ERBB4: variants seen among roughly 807,000 people sequenced by gnomAD.
ERBB4 encodes the protein erb-b2 receptor tyrosine kinase 4, also known as receptor tyrosine-protein kinase erbB-4.
Under a neutral mutation model 158.0 loss-of-function variants are expected in ERBB4, and 42 were observed. The observed-to-expected ratio is 0.27, with a 90% CI of 0.21 to 0.34. The LOEUF (loss-of-function observed/expected upper bound fraction) is 0.34, where lower values mean the gene tolerates loss of function less well. Ranked by LOEUF, ERBB4 falls within the 10% of genes least tolerant of loss-of-function variation. ERBB4 has a pLI of 1.00. For synonymous variants in ERBB4, 583 were observed against 558.7 expected (o/e 1.04, Z -0.61); for missense variants, 1,333 against 1,624.1 (o/e 0.82, Z 3.08).
At chr2:212,299,511 G>C (rs2086542331) in intron 1 of ERBB4, among the ~76,000 whole-genome samples, 1 of 151,608 alleles carries the variant, frequency 6.6e-6, no homozygotes, top group Non-Finnish European at 1.5e-5. Context: ...GAATATTTGA[G>C]TGTCGACCAT....
intron 15 of ERBB4, among the ~76,000 whole-genome samples, chr2:211,664,533 G>C (rs1050639848): frequency 6.6e-6 from 1 of 152,122 alleles, no homozygotes; most frequent in African/African-American, 2.4e-5. Context: ...AAATAGACTT[G>C]TTGTCTCTTA....
At chr2:211,593,323 G>A (rs577774915) in intron 19 of ERBB4, among the ~76,000 whole-genome samples, 23 of 152,260 alleles carry the variant, frequency 1.5e-4, no homozygotes, top group South Asian at 1.0e-3. Context: ...TGTAAGGCAA[G>A]GTAATTATTA....
At chr2:211,483,308 A>G (rs577723695) in intron 20 of ERBB4, among the ~76,000 whole-genome samples, 42 of 152,264 alleles carry the variant, frequency 2.8e-4, no homozygotes, top group African/African-American at 9.9e-4. Flanking sequence ...ATGTTCAAAC[A>G]TTTTCCAAGT....
At chr2:211,742,701 T>C (rs2074836991) in intron 5 of ERBB4, among the ~76,000 whole-genome samples, 1 of 152,032 alleles carries the variant, frequency 6.6e-6, no homozygotes, top group Non-Finnish European at 1.5e-5. Flanking sequence ...AAATGCTAAA[T>C]AATTTCTAAA....
chr2:212,286,611 T>TTTTTTTTTTTTTTG (rs2085983941), intron 1 of ERBB4, among the ~76,000 whole-genome samples: 1 of 136,114 alleles, frequency 7.3e-6, no homozygotes, highest in African/African-American at 2.8e-5. Flanking sequence ...TTTTTTTTTT[T>TTTTTTTTTTTTTTG]TTTTTTTTTG....
intron 1 of ERBB4, among the ~76,000 whole-genome samples, chr2:212,415,134 C>T (rs555357827): frequency 7.2e-5 from 11 of 152,184 alleles, no homozygotes; most frequent in Middle Eastern, 6.8e-3. Flanking sequence ...TCTTGTCAAA[C>T]GTCACTTACG....
intron 20 of ERBB4, among the ~76,000 whole-genome samples, chr2:211,454,255 A>C (rs1174139654): frequency 1.3e-5 from 2 of 152,220 alleles, no homozygotes; most frequent in Non-Finnish European, 2.9e-5. Flanking sequence ...TCCATTAAGA[A>C]TATTTGTAAC....
rs1190180522 is a variant in ERBB4 at position 211,952,450 on chromosome 2, CA to C, written c.235-4835del. ...TGTTATAATGTCTGATAAGGCCACACAACCATGTCAGTTATCCATTGTTCCT... is the reference window on the plus strand; with the variant it reads ...TGTTATAATGTCTGATAAGGCCACACACCATGTCAGTTATCCATTGTTCCT... On this transcript the variant is annotated intron_variant, in intron 2 of 27. Transcript: ENST00000342788. Among the ~76,000 whole-genome samples the C allele has an allele frequency of 3.9e-5, 6 of 152,186 alleles. No individual in the cohort carries two copies. The East Asian group carries it at 9.6e-4, about 24-fold the overall frequency.
intron 2 of ERBB4, among the ~76,000 whole-genome samples, chr2:212,071,639 G>C (rs1251638745): frequency 6.6e-6 from 1 of 151,946 alleles, no homozygotes; most frequent in East Asian, 1.9e-4. Context: ...TTATTCACGA[G>C]AAAGAATACT....
At chr2:211,401,702 C>G (rs1410110725) in intron 25 of ERBB4, among the ~76,000 whole-genome samples, 1 of 151,890 alleles carries the variant, frequency 6.6e-6, no homozygotes, top group Non-Finnish European at 1.5e-5. Context: ...AATAAACATG[C>G]TTAAGAAAGA....
chr2:211,491,497 T>C lies in ERBB4; in HGVS notation c.2488-60397A>G, dbSNP rs904210773. ...GCTCATAAGTGGTTAATACATTTAA[T>C]AAATATTTAGGGTATCAATTTATTA... is the stretch of plus-strand genomic sequence containing the variant. On this transcript the variant is annotated intron_variant, in intron 20 of 27. Transcript: ENST00000342788. 1.2e-4 allele frequency among the ~76,000 whole-genome samples: 19 copies of C among 152,222 alleles called. 1 individual carries two copies. Among genetic ancestry groups the C allele is most frequent in the Admixed American group, 9.8e-4 (15 of 15,290 alleles).
chr2:212,525,321 C>G (rs1219536504), intron 1 of ERBB4, among the ~76,000 whole-genome samples: 1 of 151,864 alleles, frequency 6.6e-6, no homozygotes, highest in Non-Finnish European at 1.5e-5. Context: ...CATGTGCTAT[C>G]AGCACATGTA....
rs13032635 is a variant in ERBB4, at chr2:211,948,627, C to G, written c.235-1011G>C. Reference sequence around the variant, plus strand: ...TCTGAGTTTCATCTAAATATTTTTTCAATAAAATGATGATAAATAGTTGTC... The same window carrying G: ...TCTGAGTTTCATCTAAATATTTTTTGAATAAAATGATGATAAATAGTTGTC... On this transcript the variant is annotated intron_variant, in intron 2 of 27. Transcript: ENST00000342788. 5.7e-3 allele frequency among the ~76,000 whole-genome samples: 855 copies of G among 151,014 alleles called. 6 individuals carry two copies. Among genetic ancestry groups the G allele is most frequent in the Admixed American group, 0.021 (311 of 15,144 alleles).
chr2:211,597,876 TC>T (rs2068685135), intron 19 of ERBB4, among the ~76,000 whole-genome samples: 1 of 152,132 alleles, frequency 6.6e-6, no homozygotes, highest in Non-Finnish European at 1.5e-5. Context: ...AACTAAAATT[TC>T]CCCAAAAAGA....
intron 1 of ERBB4, among the ~76,000 whole-genome samples, chr2:212,357,779 T>C (rs1384096054): frequency 6.6e-6 from 1 of 151,884 alleles, no homozygotes; most frequent in Non-Finnish European, 1.5e-5. Context: ...CACGGTCACT[T>C]GGTTACTACA....
intron 1 of ERBB4, among the ~76,000 whole-genome samples, chr2:212,216,775 G>A (rs188905593): frequency 1.3e-5 from 2 of 151,256 alleles, no homozygotes; most frequent in South Asian, 4.1e-4. Flanking sequence ...ATGTTGCCCG[G>A]GGCTCACTCA....
At chr2:212,055,152 T>G (rs2077516529) in intron 2 of ERBB4, among the ~76,000 whole-genome samples, 1 of 152,104 alleles carries the variant, frequency 6.6e-6, no homozygotes, top group African/African-American at 2.4e-5. Context: ...CAGGTTATAC[T>G]CCGCACCTGG....
In ERBB4 at chr2:212,396,827, C is replaced by T. The variant is rs181706968; in HGVS notation, c.82+141622G>A. 6.7e-4 allele frequency among the ~76,000 whole-genome samples: 102 copies of T among 152,008 alleles called. 1 individual carries two copies. The East Asian group carries it at 0.018, about 27-fold the overall frequency. The stretch of plus-strand genomic sequence containing the variant: ...TAATTGTGATTTTTACTCCTCAATC[C>T]ACAGAGGAAGATAAAGTTTAAGAAT... On this transcript the variant is annotated intron_variant, in intron 1 of 27. Coordinates refer to ENST00000342788, the MANE Select transcript of ERBB4 (RefSeq NM_005235.3).
At chr2:211,872,840 A>G (rs2078386685) in intron 3 of ERBB4, among the ~76,000 whole-genome samples, 2 of 151,804 alleles carry the variant, frequency 1.3e-5, no homozygotes, top group African/African-American at 4.9e-5. Context: ...CTGTTAATTC[A>G]GTAGGCTTTA....
Sources: gnomAD v4.1 joint callset for allele counts (sites outside exome capture counted in the v4.1 genomes callset) on GRCh38, gnomAD v4.1.1 for gene constraint, MANE v1.5 for transcripts, NCBI Gene and HGNC (gene_info 2026-07-23, HGNC 2026-07-21) for gene names.